KCNIP1: variants seen among roughly 807,000 people sequenced by gnomAD.
KCNIP1 encodes potassium voltage-gated channel interacting protein 1, also known as A-type potassium channel modulatory protein KCNIP1.
A neutral mutation model predicts 33.0 loss-of-function variants in KCNIP1; 18 were observed. That is an observed-to-expected ratio of 0.55 (90% CI 0.38 to 0.81). KCNIP1 has a LOEUF of 0.81. Among genes scored for constraint, KCNIP1 ranks in the 30% least tolerant of loss-of-function variants. The pLI, the probability that KCNIP1 is intolerant of heterozygous loss-of-function variation, is 0.00. For synonymous variants in KCNIP1, 93 were observed against 98.3 expected (o/e 0.95, Z 0.32); for missense variants, 238 against 271.6 (o/e 0.88, Z 0.87).
intron 1 of KCNIP1, among the ~76,000 whole-genome samples, chr5:170,642,392 C>T (rs777777680): frequency 6.6e-6 from 1 of 152,210 alleles, no homozygotes; most frequent in Non-Finnish European, 1.5e-5. Context: ...GAGCTTCACA[C>T]TCATCTCCAG....
At position 170,557,899 on chromosome 5, in the gene KCNIP1, A is replaced by T. The variant is rs539659117; in HGVS notation, c.61+53266A>T. 2.6e-5 allele frequency among the ~76,000 whole-genome samples: 4 copies of T among 152,334 alleles called. No homozygotes were observed. The South Asian group carries it at 8.3e-4, about 32-fold the overall frequency. ...TTCTGAAGATTAAATGACAGGAGAC[A>T]GGTAGAGTGCTTGGAACAGCATCTG... On this transcript the variant is annotated intron_variant, in intron 1 of 7. Coordinates refer to ENST00000328939, the MANE Select transcript of KCNIP1 (RefSeq NM_014592.4).
At chr5:170,448,365 C>A (rs1452090403) in intron 1 of KCNIP1, among the ~76,000 whole-genome samples, 3 of 152,240 alleles carry the variant, frequency 2.0e-5, no homozygotes, top group African/African-American at 4.8e-5. Flanking sequence ...GTACGCCAGG[C>A]CCCGTGTCCT....
At chr5:170,392,589 A>G (rs976878269) in intron 1 of KCNIP1, among the ~76,000 whole-genome samples, 1 of 152,190 alleles carries the variant, frequency 6.6e-6, no homozygotes, top group African/African-American at 2.4e-5. Flanking sequence ...TTTCGAGACC[A>G]AGGCAGGCGG....
chr5:170,504,430 G>C lies in KCNIP1; in HGVS notation c.-143G>C. On this transcript the variant is annotated 5_prime_UTR_variant, in exon 1 of 8. Coordinates refer to ENST00000328939, the MANE Select transcript of KCNIP1 (RefSeq NM_014592.4). The surrounding 1 kb of genome is among the most constrained non-coding windows in gnomAD (Gnocchi z 6.0). ...AGAAGCCTCCTAGCCTCGCCTCCAC[G>C]CTTGCTGAATACCAAGCTGCAGGCG... 1 of 1,494,936 alleles carries C rather than the reference G, an allele frequency of 6.7e-7. No homozygotes were observed. The highest frequency in any genetic ancestry group is 8.9e-7 in the Non-Finnish European group (1 of 1,129,808). The allele number at this position is 1,494,936 out of a possible 1,614,324, so 92.6% of individuals were successfully genotyped here.
At chr5:170,353,865 C>T in exon 1 of KCNIP1, 1 of 1,613,406 alleles carries the variant, frequency 6.2e-7, no homozygotes. Context: ...AGCCTGGCTC[C>T]CCTCCGCCAC....
intron 1 of KCNIP1, among the ~76,000 whole-genome samples, chr5:170,631,235 A>T (rs1760040521): frequency 6.6e-6 from 1 of 152,162 alleles, no homozygotes; most frequent in Non-Finnish European, 1.5e-5. Context: ...TAGTTATGTC[A>T]TCTGTGAAAT....
chr5:170,712,649 G>A (rs1278526449), intron 1 of KCNIP1, among the ~76,000 whole-genome samples: 1 of 152,238 alleles, frequency 6.6e-6, no homozygotes, highest in East Asian at 1.9e-4. Flanking sequence ...CATGGGCACT[G>A]GGAGGCAACC....
intron 1 of KCNIP1, among the ~76,000 whole-genome samples, chr5:170,415,589 T>A (rs1216948324): frequency 6.6e-6 from 1 of 152,098 alleles, no homozygotes; most frequent in Non-Finnish European, 1.5e-5. Context: ...CTGCAACAAG[T>A]CTTCTGACTT....
chr5:170,607,775 T>A (rs1323861122), intron 1 of KCNIP1, among the ~76,000 whole-genome samples: 1 of 151,860 alleles, frequency 6.6e-6, no homozygotes. Context: ...TTTGTGGAGG[T>A]GAGATGAGGG....
At position 170,443,010 on chromosome 5, in the gene KCNIP1, G is replaced by A. The variant is rs553145437; in HGVS notation, c.88+89046G>A. Among the ~76,000 whole-genome samples the A allele has an allele frequency of 5.3e-5, 8 of 152,312 alleles. No individual in the cohort carries two copies. The East Asian group carries it at 1.5e-3, about 29-fold the overall frequency. On this transcript the variant is annotated intron_variant, in intron 1 of 7. Transcript: ENST00000377360. Reference sequence around the variant, plus strand: ...CAGAGCCTGGTCTAGACAGAAGGAGGGAGTGGGCTCTGGGTGGGCAAACCC... The same window carrying A: ...CAGAGCCTGGTCTAGACAGAAGGAGAGAGTGGGCTCTGGGTGGGCAAACCC...
At chr5:170,654,181 G>A (rs1189271352) in intron 1 of KCNIP1, among the ~76,000 whole-genome samples, 1 of 152,132 alleles carries the variant, frequency 6.6e-6, no homozygotes, top group East Asian at 1.9e-4. Context: ...CCTGGTCCCT[G>A]CAACCGCTAT....
At chr5:170,468,349 G>C (rs945561150) in intron 1 of KCNIP1, among the ~76,000 whole-genome samples, 1 of 152,116 alleles carries the variant, frequency 6.6e-6, no homozygotes, top group Non-Finnish European at 1.5e-5. Flanking sequence ...TAAATGAGAC[G>C]AAACATTTCT....
chr5:170,700,209 T>C (rs329467), intron 1 of KCNIP1, among the ~76,000 whole-genome samples: 96,623 of 151,880 alleles, frequency 0.64, 31,865 homozygotes, highest in East Asian at 0.94. Flanking sequence ...CATCACCTGT[T>C]GGTCCCCTTC....
At chr5:170,591,937 C>T (rs1428703342) in intron 1 of KCNIP1, among the ~76,000 whole-genome samples, 1 of 152,166 alleles carries the variant, frequency 6.6e-6, no homozygotes, top group African/African-American at 2.4e-5. Flanking sequence ...TTAGTCCCTG[C>T]TTTCAGTTCT....
intron 1 of KCNIP1, among the ~76,000 whole-genome samples, chr5:170,596,580 G>T (rs1378708707): frequency 6.6e-6 from 1 of 152,240 alleles, no homozygotes; most frequent in African/African-American, 2.4e-5. Context: ...GAGAGCATGA[G>T]TTTAGAAGCC....
chr5:170,503,987 C>T (rs1043296652), upstream of KCNIP1: 13 of 939,990 alleles, frequency 1.4e-5, no homozygotes, highest in African/African-American at 1.9e-5. Flanking sequence ...GTTGCCCGCC[C>T]GCCGCCCCCT....
chr5:170,372,193 C>G (rs1763863005), intron 1 of KCNIP1, among the ~76,000 whole-genome samples: 1 of 152,148 alleles, frequency 6.6e-6, no homozygotes, highest in Non-Finnish European at 1.5e-5. Context: ...GAACATTTTA[C>G]TTACTATTGA....
chr5:170,570,200 A>G (rs1412879062), intron 1 of KCNIP1, among the ~76,000 whole-genome samples: 1 of 152,184 alleles, frequency 6.6e-6, no homozygotes, highest in African/African-American at 2.4e-5. Flanking sequence ...CCCTTATAAA[A>G]TCCTTAGGGA....
chr5:170,647,040 T>C (rs757144708), intron 1 of KCNIP1, among the ~76,000 whole-genome samples: 1 of 152,124 alleles, frequency 6.6e-6, no homozygotes, highest in Non-Finnish European at 1.5e-5. Context: ...TAAATAAGTA[T>C]AAATCAAATA....
Sources: allele counts gnomAD v4.1 joint callset (sites outside exome capture counted in the v4.1 genomes callset), GRCh38; gene constraint gnomAD v4.1.1; non-coding constraint Gnocchi (gnomAD v3.1); transcripts MANE v1.5; gene names NCBI Gene and HGNC (gene_info 2026-07-23, HGNC 2026-07-21).